Variants in CYB5D2 observed in about 807,000 individuals in gnomAD.
CYB5D2 encodes the protein cytochrome b5 domain containing 2.
Under a neutral mutation model 22.8 loss-of-function variants are expected in CYB5D2, and 23 were observed. The observed-to-expected ratio is 1.01, with a 90% CI of 0.73 to 1.43. The LOEUF (loss-of-function observed/expected upper bound fraction) is 1.43. Ranked by LOEUF, CYB5D2 falls within the 40% of genes most tolerant of loss-of-function variation. CYB5D2 has a pLI of 0.00. For missense variants in CYB5D2, 373 were observed against 357.2 expected (o/e 1.04, Z -0.36); for synonymous variants, 170 against 152.2 (o/e 1.12, Z -0.86).
chr17:4,146,039 T>A (rs930668405), intron 1 of CYB5D2, among the ~76,000 whole-genome samples: 2 of 152,190 alleles, frequency 1.3e-5, no homozygotes, highest in Non-Finnish European at 2.9e-5. Context: ...GCTCAAGTGA[T>A]TCAGCCGCTG....
chr17:4,151,353 A>G (rs1464815776), intron 2 of CYB5D2, among the ~76,000 whole-genome samples: 1 of 152,206 alleles, frequency 6.6e-6, no homozygotes, highest in Non-Finnish European at 1.5e-5. Context: ...ACCAAGGTTG[A>G]AACATTACTG....
In CYB5D2 at chr17:4,157,041, G is replaced by A. The variant is rs963526324; in HGVS notation, c.754G>A (p.Gly252Ser). 4 of 1,612,434 alleles carry A rather than the reference G, an allele frequency of 2.5e-6. No homozygotes were observed. Among genetic ancestry groups the A allele is most frequent in the South Asian group, 2.2e-5 (2 of 91,010 alleles). Residue 252 changes from glycine (G) to serine (S), a missense_variant, in exon 4 of 4, where the codon GGC becomes AGC. Coordinates refer to ENST00000301391, the MANE Select transcript of CYB5D2 (RefSeq NM_144611.4). This position sits in a 1 kb window ranked among gnomAD's most constrained non-coding sequence, Gnocchi z 4.4. The stretch of plus-strand genomic sequence containing the variant: ...CCACCCAAACTTGGCAGAGTACACA[G>A]GCTGCCCACCGCTAGCCATCACATG... ...LDHPNLAEYT[G>S]CPPLAITCSF...
intron 2 of CYB5D2, among the ~76,000 whole-genome samples, chr17:4,153,229 C>T (rs898704486): frequency 2.0e-5 from 3 of 152,080 alleles, no homozygotes; most frequent in South Asian, 4.1e-4. Context: ...TCAGGAGTGG[C>T]TTCTTGGAGA....
chr17:4,152,261 AG>A (rs1486563715), intron 2 of CYB5D2, among the ~76,000 whole-genome samples: 1 of 152,202 alleles, frequency 6.6e-6, no homozygotes, highest in Non-Finnish European at 1.5e-5. Flanking sequence ...TTCCATCCTC[AG>A]GGGGACCAGG....
intron 2 of CYB5D2, among the ~76,000 whole-genome samples, chr17:4,151,449 C>T (rs2059056547): frequency 6.6e-6 from 1 of 152,132 alleles, no homozygotes; most frequent in Admixed American, 6.6e-5. Flanking sequence ...CTTTGGGAGG[C>T]CGAGGTGGGC....
intron 2 of CYB5D2, among the ~76,000 whole-genome samples, chr17:4,153,004 CT>C (rs1667918802): frequency 6.6e-6 from 1 of 152,200 alleles, no homozygotes; most frequent in Non-Finnish European, 1.5e-5. Context: ...TCTCGAACCC[CT>C]GACCTCAAGT....
Position 4,154,903 on chromosome 17 carries a change from C to T in CYB5D2, c.578+43C>T, listed in dbSNP as rs572827700. On this transcript the variant is annotated intron_variant, in intron 3 of 3. Transcript: ENST00000301391. ...CTTCTCCTTTCTGCCTGTCCCAAAT[C>T]CAACTCCTAGGCCATCCTGCCTGCA... 4.3e-5 allele frequency: 68 copies of T among 1,576,136 alleles called. 1 individual carries two copies. In the Admixed American group the frequency reaches 6.2e-4, roughly 14 times the overall value.
intron 1 of CYB5D2, among the ~76,000 whole-genome samples, chr17:4,149,690 T>C (rs1400736971): frequency 4.6e-5 from 7 of 152,092 alleles, no homozygotes; most frequent in Non-Finnish European, 1.0e-4. Flanking sequence ...TCCCCGCTAC[T>C]CTGGAGGCTG....
At chr17:4,147,992 G>A (rs1361127562) in intron 1 of CYB5D2, among the ~76,000 whole-genome samples, 5 of 152,252 alleles carry the variant, frequency 3.3e-5, no homozygotes, top group African/African-American at 9.6e-5. Context: ...AGAATGATGT[G>A]ATCAGTTTGT....
At chr17:4,147,709 C>T (rs1277406114) in intron 1 of CYB5D2, among the ~76,000 whole-genome samples, 1 of 152,138 alleles carries the variant, frequency 6.6e-6, no homozygotes, top group Admixed American at 6.5e-5. Context: ...CAAAATTAGC[C>T]GGGCATGGTG....
chr17:4,154,364 C>T (rs1342723564), intron 2 of CYB5D2, among the ~76,000 whole-genome samples: 1 of 152,226 alleles, frequency 6.6e-6, no homozygotes, highest in Non-Finnish European at 1.5e-5. Flanking sequence ...GTGCTCCAAG[C>T]ACATGGAAGC....
chr17:4,149,297 G>T (rs2059027534), intron 1 of CYB5D2, among the ~76,000 whole-genome samples: 1 of 152,204 alleles, frequency 6.6e-6, no homozygotes, highest in Non-Finnish European at 1.5e-5. Flanking sequence ...GACCCCTAAG[G>T]CTGGTAGACA....
intron 3 of CYB5D2, 141 bp from the exon 4 acceptor site, chr17:4,156,725 A>G: frequency 1.2e-6 from 1 of 865,808 alleles, no homozygotes; most frequent in Non-Finnish European, 1.8e-6. Flanking sequence ...TCAGGGGCTG[A>G]GCGCTGTAGC....
rs560619556 is a variant in CYB5D2 at position 4,145,049 on chromosome 17, G to A, written c.250+1044G>A. On this transcript the variant is annotated intron_variant, in intron 1 of 3. Coordinates refer to ENST00000301391, the MANE Select transcript of CYB5D2 (RefSeq NM_144611.4). ...GATCCGCCCACCTTGGCCTCCCAAA[G>A]TGCTGGGATTACAGGCGTGAGCCAC... 2.0e-5 allele frequency among the ~76,000 whole-genome samples: 3 copies of A among 152,174 alleles called. No individual in the cohort carries two copies. The South Asian group carries it at 6.2e-4, about 32-fold the overall frequency.
In CYB5D2 at chr17:4,156,956, C is replaced by T. The variant is rs534144144; in HGVS notation, c.669C>T (p.Thr223=). Residue 223 remains threonine, a synonymous_variant, in exon 4 of 4, where the codon ACC becomes ACT. Transcript: ENST00000301391. ...KEPRCVCVRT[T]GPPSGQMPDN... Reference sequence around the variant, plus strand: ...CCCGCTGCGTGTGTGTGAGAACCACCGGCCCCCCTAGTGGCCAGATGCCGG... The same window carrying T: ...CCCGCTGCGTGTGTGTGAGAACCACTGGCCCCCCTAGTGGCCAGATGCCGG... 14 of 1,612,694 alleles carry T rather than the reference C, an allele frequency of 8.7e-6. No individual in the cohort carries two copies. Among genetic ancestry groups the T allele is most frequent in the Middle Eastern group, 4.0e-4 (2 of 4,950 alleles).
In CYB5D2 at chr17:4,143,791, C is replaced by T. The variant is rs889204854; in HGVS notation, c.36C>T (p.Gly12=). 6 of 1,613,998 alleles carry T rather than the reference C, an allele frequency of 3.7e-6. No individual in the cohort carries two copies. Among genetic ancestry groups the T allele is most frequent in the African/African-American group, 1.3e-5 (1 of 75,048 alleles). The part of the protein sequence containing the change: ...LRCGGRGLLL[G]LAVAAAAVMA... ...GCGGAGGCCGTGGGCTTTTGTTGGG[C>T]CTGGCTGTAGCCGCAGCAGCGGTAA... Residue 12 remains glycine (G), a synonymous_variant, in exon 1 of 4, where the codon GGC becomes GGT. Transcript: ENST00000301391.
chr17:4,143,582 A>T lies in CYB5D2; in HGVS notation c.-174A>T. 1 of 846,590 alleles carries T rather than the reference A, an allele frequency of 1.2e-6. No homozygotes were observed. Among genetic ancestry groups the T allele is most frequent in the Non-Finnish European group, 1.7e-6 (1 of 577,592 alleles). The allele number at this position is 846,590 out of a possible 1,614,324, so 52.4% of individuals were successfully genotyped here. A position where few individuals can be genotyped will look rare whatever the true frequency, so the allele number is the denominator to read the frequency against. On this transcript the variant is annotated 5_prime_UTR_variant, in exon 1 of 4. Transcript: ENST00000301391. ...AGTCGCAGACAGCGAGCTTTTCGCC[A>T]GTGCCAGGAATACAGATAAAACGAG...
intron 3 of CYB5D2, among the ~76,000 whole-genome samples, chr17:4,156,089 T>C (rs1234908256): frequency 6.6e-6 from 1 of 152,120 alleles, no homozygotes; most frequent in Non-Finnish European, 1.5e-5. Context: ...AAGCTAGAAG[T>C]AGGATGTTTT....
intron 1 of CYB5D2, among the ~76,000 whole-genome samples, chr17:4,146,588 C>T (rs961462686): frequency 6.6e-6 from 1 of 151,992 alleles, no homozygotes; most frequent in African/African-American, 2.4e-5. Context: ...GACGGGGTTT[C>T]ACTGTGTTAG....
Sources: allele counts gnomAD v4.1 joint callset (sites outside exome capture counted in the v4.1 genomes callset), GRCh38; gene constraint gnomAD v4.1.1; non-coding constraint Gnocchi (gnomAD v3.1); transcripts MANE v1.5; gene names NCBI Gene and HGNC (gene_info 2026-07-23, HGNC 2026-07-21).